Variants in EML4 observed in about 807,000 individuals in gnomAD.
EML4 encodes the protein EMAP like 4.
Under a neutral mutation model 129.0 loss-of-function variants are expected in EML4, and 72 were observed. That is an observed-to-expected ratio of 0.56 (90% CI 0.46 to 0.68). EML4 has a LOEUF of 0.68. Among genes scored for constraint, EML4 ranks in the 30% least tolerant of loss-of-function variants. The pLI is 0.00. For synonymous variants in EML4, 532 were observed against 405.0 expected (o/e 1.31, Z -3.77); for missense variants, 1,363 against 1,190.6 (o/e 1.14, Z -2.13).
rs529285158 is a variant in EML4 at position 42,325,625 on chromosome 2, TA to T, written c.2242+72del. On this transcript the variant is annotated intron_variant, in intron 20 of 22. Transcript: ENST00000318522. ...ATTTATATATATATATATATATATA[TA>T]TATATATATATATGCTAAGATGTGT... The T allele has an allele frequency of 3.4e-5, 4 of 118,428 alleles. No homozygotes were observed. The South Asian group carries it at 1.4e-3, about 42-fold the overall frequency. 7.3% of individuals were successfully genotyped at this position (118,428 alleles called of 1,614,324 possible).
At chr2:42,196,505 A>G (rs10183344) in intron 1 of EML4, among the ~76,000 whole-genome samples, 95,489 of 152,036 alleles carry the variant, frequency 0.63, 30,668 homozygotes, top group East Asian at 0.75. Context: ...ATTGAGAGTC[A>G]GCTGCAATCA....
intron 2 of EML4, among the ~76,000 whole-genome samples, chr2:42,256,062 T>C (rs955198589): frequency 6.6e-6 from 1 of 152,222 alleles, no homozygotes. Flanking sequence ...TAACTTTATA[T>C]ACTTATGCTT....
In EML4 at chr2:42,169,543, C is replaced by T. The variant is rs1057035497; in HGVS notation, c.-69C>T. The T allele has an allele frequency of 8.4e-6, 13 of 1,553,466 alleles. No homozygotes were observed. Among genetic ancestry groups the T allele is most frequent in the Non-Finnish European group, 8.7e-6 (10 of 1,151,644 alleles). On this transcript the variant is annotated 5_prime_UTR_variant, in exon 1 of 23. Coordinates refer to ENST00000318522, the MANE Select transcript of EML4 (RefSeq NM_019063.5). ...ACGAGCGGGTCAGGCTCAGCGTCGG[C>T]CACTCTGTCGGTCCGCTGAATGAAG...
At chr2:42,247,440 C>T (rs1054602479) in intron 2 of EML4, among the ~76,000 whole-genome samples, 7 of 152,098 alleles carry the variant, frequency 4.6e-5, no homozygotes, top group Non-Finnish European at 8.8e-5. Flanking sequence ...GAGTATCATT[C>T]TGCCCGGTTT....
At position 42,223,139 on chromosome 2, in the gene EML4, A is replaced by G. The variant is rs527472295; in HGVS notation, c.26-22366A>G. 2.0e-5 allele frequency among the ~76,000 whole-genome samples: 3 copies of G among 152,202 alleles called. No homozygotes were observed. The South Asian group carries it at 6.2e-4, about 32-fold the overall frequency. Reference sequence around the variant, plus strand: ...TATTTTTAATAGCTGCACAGATTCCATATTTAGATAACATATTTCATTCAC... The same window carrying G: ...TATTTTTAATAGCTGCACAGATTCCGTATTTAGATAACATATTTCATTCAC... On this transcript the variant is annotated intron_variant, in intron 1 of 22. Transcript: ENST00000318522.
At chr2:42,256,349 C>T (rs929599030) in intron 2 of EML4, 152 bp from the exon 3 acceptor site, 4 of 657,538 alleles carry the variant, frequency 6.1e-6, no homozygotes, top group African/African-American at 3.6e-5. Flanking sequence ...GTGCTGCATA[C>T]CATGGGGGCA....
chr2:42,322,447 G>A (rs72972065), intron 19 of EML4, among the ~76,000 whole-genome samples: 1 of 152,316 alleles, frequency 6.6e-6, no homozygotes, highest in African/African-American at 2.4e-5. Context: ...TTGGTTGCTT[G>A]GTTGCTTGGT....
chr2:42,313,992 G>A (rs1320371930), intron 17 of EML4, among the ~76,000 whole-genome samples: 1 of 151,860 alleles, frequency 6.6e-6, no homozygotes, highest in African/African-American at 2.4e-5. Context: ...ATTAGTGGTG[G>A]AATTTTTTCC....
At chr2:42,297,115 C>G (rs560564859) in intron 13 of EML4, among the ~76,000 whole-genome samples, 1 of 152,126 alleles carries the variant, frequency 6.6e-6, no homozygotes, top group Non-Finnish European at 1.5e-5. Flanking sequence ...AGTTTAGGTT[C>G]AAAATTTACA....
intron 1 of EML4, among the ~76,000 whole-genome samples, chr2:42,205,029 T>A (rs891244176): frequency 6.6e-6 from 1 of 152,216 alleles, no homozygotes; most frequent in African/African-American, 2.4e-5. Flanking sequence ...CATTTTGTTC[T>A]ATAATCATCC....
chr2:42,279,461 C>CTT (rs752973076), intron 6 of EML4, among the ~76,000 whole-genome samples: 4 of 142,414 alleles, frequency 2.8e-5, no homozygotes, highest in African/African-American at 5.1e-5. Flanking sequence ...CACTTGCCGT[C>CTT]TTTTTTTTTT....
At chr2:42,199,294 G>A (rs1163581532) in intron 1 of EML4, among the ~76,000 whole-genome samples, 1 of 152,192 alleles carries the variant, frequency 6.6e-6, no homozygotes, top group Non-Finnish European at 1.5e-5. Context: ...TCCTTAAGGA[G>A]GAGAGCAGCT....
chr2:42,190,924 C>G (rs1671543694), intron 1 of EML4, among the ~76,000 whole-genome samples: 1 of 152,188 alleles, frequency 6.6e-6, no homozygotes, highest in Non-Finnish European at 1.5e-5. Flanking sequence ...AATGCAAAAA[C>G]CATTCTTTGT....
At chr2:42,269,911 G>C (rs895663562) in intron 6 of EML4, among the ~76,000 whole-genome samples, 1 of 152,128 alleles carries the variant, frequency 6.6e-6, no homozygotes, top group East Asian at 1.9e-4. Context: ...AAGGGCAAAT[G>C]AGTAGTAAAC....
intron 1 of EML4, among the ~76,000 whole-genome samples, chr2:42,189,592 A>T (rs528941256): frequency 2.6e-5 from 4 of 152,360 alleles, no homozygotes; most frequent in African/African-American, 9.6e-5. Context: ...ATAAATGATA[A>T]TAAAATTACT....
intron 16 of EML4, 124 bp from the exon 17 acceptor site, chr2:42,304,360 T>C: frequency 1.4e-6 from 1 of 701,942 alleles, no homozygotes; most frequent in Non-Finnish European, 2.6e-6. Flanking sequence ...TATTTCTCAT[T>C]AGCTACAAAG....
At chr2:42,170,358 T>C (rs11885075) in intron 1 of EML4, 114,688 of 152,214 alleles carry the variant, frequency 0.75, 44,514 homozygotes, top group African/African-American at 0.94. Flanking sequence ...TGTTTTCTGG[T>C]TCTGCATACA....
rs145074877 is a variant in EML4 at position 42,318,988 on chromosome 2, G to GCCA, written c.2154+1466_2154+1468dup. On this transcript the variant is annotated intron_variant, in intron 19 of 22. Transcript: ENST00000318522. Reference sequence around the variant, plus strand: ...CCCGAAGTGATGAGATTAGGCATGAGCCACTGCACCTGTCCGGTTTTTAAT... The same window carrying GCCA: ...CCCGAAGTGATGAGATTAGGCATGAGCCACCACTGCACCTGTCCGGTTTTTAAT... Among the ~76,000 whole-genome samples the GCCA allele has an allele frequency of 5.3e-5, 8 of 152,186 alleles. No homozygotes were observed. The East Asian group carries it at 1.5e-3, about 29-fold the overall frequency.
intron 1 of EML4, among the ~76,000 whole-genome samples, chr2:42,245,094 C>CTTTCTTTTT: frequency 1.5e-5 from 1 of 66,566 alleles, no homozygotes; most frequent in East Asian, 4.3e-4. Flanking sequence ...AATTTTCTTT[C>CTTTCTTTTT]TTTTTTTTTT....
Sources: gnomAD v4.1 joint callset for allele counts (sites outside exome capture counted in the v4.1 genomes callset) on GRCh38, gnomAD v4.1.1 for gene constraint, MANE v1.5 for transcripts, NCBI Gene and HGNC (gene_info 2026-07-23, HGNC 2026-07-21) for gene names.